Variants in TNKS observed in about 807,000 individuals in gnomAD.
TNKS encodes tankyrase, also known as poly [ADP-ribose] polymerase tankyrase-1.
TNKS carries 72 observed loss-of-function variants against 135.8 expected under a neutral mutation model. The ratio of observed to expected loss-of-function variants is 0.53; its 90% confidence interval spans 0.44 to 0.64. The LOEUF (loss-of-function observed/expected upper bound fraction) is 0.64. TNKS is among the 30% of genes least tolerant of loss of function. The pLI is 0.00. For missense variants in TNKS, 1,769 were observed against 1,674.0 expected, an observed-to-expected ratio of 1.06 and a Z score of -0.99; for synonymous variants, 849 against 649.3, an observed-to-expected ratio of 1.31 and a Z score of -4.68.
chr8:9,611,160 C>G (rs1163878864), intron 2 of TNKS, among the ~76,000 whole-genome samples: 1 of 152,172 alleles, frequency 6.6e-6, no homozygotes, highest in East Asian at 1.9e-4. Flanking sequence ...CTCCGCCCGT[C>G]TTACCTCGAA....
chr8:9,732,622 A>G (rs984809173), intron 14 of TNKS, among the ~76,000 whole-genome samples: 1 of 149,512 alleles, frequency 6.7e-6, no homozygotes, highest in East Asian at 1.9e-4. Context: ...TGCTTCTGCC[A>G]TGTGTTAACT....
rs1808381916 is a variant in TNKS, at chr8:9,779,693, A to C, written c.*2957A>C. On this transcript the variant is annotated 3_prime_UTR_variant, in exon 27 of 27. Transcript: ENST00000310430. ...ATCTTGGGTCTTAAAAAAGGAGACC[A>C]GATACCTCCTAGCTTTTGTATCACA... The C allele has an allele frequency of 6.6e-6, 1 of 152,222 alleles. No homozygotes were observed. Among genetic ancestry groups the C allele is most frequent in the Non-Finnish European group, 1.5e-5 (1 of 68,036 alleles). The allele number at this position is 152,222 out of a possible 1,614,324, so 9.4% of individuals were successfully genotyped here.
At chr8:9,671,713 G>A (rs1343327616) in intron 3 of TNKS, among the ~76,000 whole-genome samples, 1 of 152,114 alleles carries the variant, frequency 6.6e-6, no homozygotes, top group African/African-American at 2.4e-5. Flanking sequence ...AAAACCCACA[G>A]AACCATCTGA....
At chr8:9,617,452 T>TG (rs1395623368) in intron 3 of TNKS, among the ~76,000 whole-genome samples, 4 of 152,230 alleles carry the variant, frequency 2.6e-5, no homozygotes, top group African/African-American at 9.6e-5. Flanking sequence ...TTTTTGGAAA[T>TG]GATCTACAGC....
At chr8:9,762,331 T>TTA (rs1224443830) in intron 21 of TNKS, among the ~76,000 whole-genome samples, 1 of 152,180 alleles carries the variant, frequency 6.6e-6, no homozygotes, top group African/African-American at 2.4e-5. Flanking sequence ...AACTGGAAGA[T>TTA]TTTGTGCTTG....
chr8:9,697,506 G>A (rs538137180), intron 5 of TNKS, among the ~76,000 whole-genome samples: 19 of 152,168 alleles, frequency 1.2e-4, no homozygotes, highest in African/African-American at 4.6e-4. Flanking sequence ...AGAGTAAATA[G>A]ACAATCTACA....
At position 9,779,862 on chromosome 8, in the gene TNKS, G is replaced by C. The variant is rs963207357; in HGVS notation, c.*3126G>C. ...ATTCTTGTTTTCCTTTTCCTTCTTG[G>C]AGTTTGGAATTTCTAGCTTTTCAAG... On this transcript the variant is annotated 3_prime_UTR_variant, in exon 27 of 27. Coordinates refer to ENST00000310430, the MANE Select transcript of TNKS (RefSeq NM_003747.3). 5.3e-5 allele frequency: 8 copies of C among 152,110 alleles called. No homozygotes were observed. The highest frequency in any genetic ancestry group is 7.3e-5 in the Non-Finnish European group (5 of 68,032). 9.4% of individuals were successfully genotyped at this position (152,110 alleles called of 1,614,324 possible). A position where few individuals can be genotyped will look rare whatever the true frequency, so the allele number is the denominator to read the frequency against.
At chr8:9,729,295 A>G (rs982786821) in intron 13 of TNKS, among the ~76,000 whole-genome samples, 1 of 152,168 alleles carries the variant, frequency 6.6e-6, no homozygotes, top group Non-Finnish European at 1.5e-5. Flanking sequence ...CAAACATTCA[A>G]CCCGTAGCAC....
intron 5 of TNKS, among the ~76,000 whole-genome samples, chr8:9,687,479 A>G (rs1213416642): frequency 1.3e-5 from 2 of 152,178 alleles, no homozygotes; most frequent in African/African-American, 4.8e-5. Context: ...GGACTTGAAA[A>G]TGTCTTTTTT....
rs148155663 is a variant in TNKS, at chr8:9,782,119, T to A, written c.*5383T>A. The A allele has an allele frequency of 6.6e-6, 1 of 152,512 alleles. No homozygotes were observed. Among genetic ancestry groups the A allele is most frequent in the East Asian group, 1.9e-4 (1 of 5,192 alleles). The allele number at this position is 152,512 out of a possible 1,614,324, so 9.4% of individuals were successfully genotyped here. A position where few individuals can be genotyped will look rare whatever the true frequency, so the allele number is the denominator to read the frequency against. ...TGGTCATGGGAAATCACCTACAGCA[T>A]GTTAAAGTCCTCTAGTCATCATCTC... On this transcript the variant is annotated 3_prime_UTR_variant, in exon 27 of 27. Transcript: ENST00000310430.
chr8:9,766,568 C>T lies in TNKS; in HGVS notation c.3740+143C>T, dbSNP rs770893068. 12 of 658,272 alleles carry T rather than the reference C, an allele frequency of 1.8e-5. No homozygotes were observed. In the African/African-American group the frequency reaches 1.9e-4, roughly 10 times the overall value. 40.8% of individuals were successfully genotyped at this position (658,272 alleles called of 1,614,324 possible). A position where few individuals can be genotyped will look rare whatever the true frequency, so the allele number is the denominator to read the frequency against. On this transcript the variant is annotated intron_variant, in intron 25 of 26. Coordinates refer to ENST00000310430, the MANE Select transcript of TNKS (RefSeq NM_003747.3). ...GTGGCACGATCCTGGCTCACGCAAC[C>T]TCCACCTCCTGGGTTCAAGCAATTC...
chr8:9,710,075 A>G (rs757105675), intron 10 of TNKS, 29 bp downstream of exon 10: 18 of 1,611,890 alleles, frequency 1.1e-5, no homozygotes, highest in Non-Finnish European at 1.5e-5. Context: ...GGAGTTGTTC[A>G]GTTCCTAAAG....
intron 3 of TNKS, among the ~76,000 whole-genome samples, chr8:9,623,509 G>A (rs144053911): frequency 5.8e-4 from 87 of 149,804 alleles, no homozygotes; most frequent in African/African-American, 2.1e-3. Flanking sequence ...GTAGCATTAT[G>A]TCTAAAAAAA....
intron 3 of TNKS, among the ~76,000 whole-genome samples, chr8:9,645,299 A>G (rs546219164): frequency 9.1e-4 from 139 of 152,278 alleles, no homozygotes; most frequent in African/African-American, 3.1e-3. Context: ...ACCTATGAAG[A>G]GAAGCCCATT....
At chr8:9,572,058 G>C (rs767186885) in intron 1 of TNKS, among the ~76,000 whole-genome samples, 2 of 152,146 alleles carry the variant, frequency 1.3e-5, no homozygotes, top group Non-Finnish European at 2.9e-5. Flanking sequence ...TAAGTCTTGA[G>C]ACAGGATAGA....
rs114998030 is a variant in TNKS at position 9,648,113 on chromosome 8, G to A, written c.995-31838G>A. Among the ~76,000 whole-genome samples, 707 of 152,272 alleles carry A rather than the reference G, an allele frequency of 4.6e-3. 7 individuals carry two copies. The highest frequency in any genetic ancestry group is 0.016 in the African/African-American group (675 of 41,540). On this transcript the variant is annotated intron_variant, in intron 3 of 26. Coordinates refer to ENST00000310430, the MANE Select transcript of TNKS (RefSeq NM_003747.3). ...GACTGGAAGTTGACTCACTGGGTGA[G>A]TCCGTGAGTGAGTGGTGAGAGAATG...
intron 3 of TNKS, chr8:9,658,170 C>T (rs1451045573): frequency 3.1e-5 from 7 of 227,044 alleles, no homozygotes; most frequent in Non-Finnish European, 4.7e-5. Context: ...GGCAGCCAGG[C>T]AGAGGGGCTC....
chr8:9,674,670 G>T (rs1377521360), intron 3 of TNKS, among the ~76,000 whole-genome samples: 1 of 152,114 alleles, frequency 6.6e-6, no homozygotes, highest in Non-Finnish European at 1.5e-5. Flanking sequence ...TAATTTAATT[G>T]TAAGTGTTGA....
chr8:9,669,291 G>A (rs1333578690), intron 3 of TNKS, among the ~76,000 whole-genome samples: 2 of 151,444 alleles, frequency 1.3e-5, no homozygotes, highest in African/African-American at 2.4e-5. Context: ...GGTGGCGGGC[G>A]CCTGTAGTCC....
Sources: allele counts gnomAD v4.1 joint callset (sites outside exome capture counted in the v4.1 genomes callset), GRCh38; gene constraint gnomAD v4.1.1; transcripts MANE v1.5; gene names NCBI Gene and HGNC (gene_info 2026-07-23, HGNC 2026-07-21).